The following IFNAR1 variants were observed in gnomAD, a reference collection of about 807,000 sequenced individuals.
The protein encoded by IFNAR1 is interferon alpha/beta receptor 1.
In IFNAR1, 47 loss-of-function variants were observed where a neutral mutation model predicts 62.1. That is an observed-to-expected ratio of 0.76 (90% CI 0.60 to 0.97). The LOEUF is 0.97. Among genes scored for constraint, IFNAR1 ranks in the 50% least tolerant of loss-of-function variants. The pLI is 0.00. For missense variants in IFNAR1, 638 were observed against 654.5 expected, an observed-to-expected ratio of 0.97 and a Z score of 0.27; for synonymous variants, 219 against 226.9, an observed-to-expected ratio of 0.97 and a Z score of 0.31.
intron 2 of IFNAR1, among the ~76,000 whole-genome samples, chr21:33,336,112 C>T (rs2123670162): frequency 6.9e-6 from 1 of 144,466 alleles, no homozygotes; most frequent in Non-Finnish European, 1.5e-5. Context: ...TGTGATGTTC[C>T]CCTTCCTGTG....
At chr21:33,353,266 G>T (rs1462985504) in intron 9 of IFNAR1, among the ~76,000 whole-genome samples, 1 of 152,086 alleles carries the variant, frequency 6.6e-6, no homozygotes, top group Non-Finnish European at 1.5e-5. Context: ...TTTAATGTGG[G>T]AATTGGTTTA....
rs1343437261 is a variant in IFNAR1 at position 33,349,137 on chromosome 21, C to T, written c.835C>T (p.Gln279Ter). ...TGGAAACCATTTGTATAAATGGAAA[C>T]AAATACCTGACTGTGAAAATGTCAA... ...NPGNHLYKWK[Q>*]IPDCENVKTT... The change falls in exon 7 of 11, where the codon CAA becomes TAA. Residue 279 changes from glutamine (Q) to a stop codon, truncating the protein, a stop_gained. Coordinates refer to ENST00000270139, the MANE Select transcript of IFNAR1 (RefSeq NM_000629.3). LOFTEE classifies it high-confidence loss of function. 6.8e-6 allele frequency: 11 copies of T among 1,612,442 alleles called. No individual in the cohort carries two copies. Among genetic ancestry groups the T allele is most frequent in the East Asian group, 2.2e-5 (1 of 44,826 alleles).
At chr21:33,350,795 T>C (rs1040191566) in intron 8 of IFNAR1, among the ~76,000 whole-genome samples, 36 of 152,342 alleles carry the variant, frequency 2.4e-4, no homozygotes, top group African/African-American at 6.7e-4. Context: ...ATGTAGCCCA[T>C]TGAGAATTAT....
chr21:33,334,597 T>A, intron 1 of IFNAR1: 1 of 601,860 alleles, frequency 1.7e-6, no homozygotes, highest in Non-Finnish European at 3.2e-6. Flanking sequence ...AAAGGTGAAA[T>A]GAAAGGGCAC....
In IFNAR1 at chr21:33,343,662, G is replaced by A. The variant is rs1447342179; in HGVS notation, c.659G>A (p.Cys220Tyr). 1.9e-6 allele frequency: 3 copies of A among 1,592,082 alleles called. No individual in the cohort carries two copies. Among genetic ancestry groups the A allele is most frequent in the Non-Finnish European group, 8.5e-7 (1 of 1,171,056 alleles). ...ATTGGTGTCTATAGTCCAGTACATT[G>A]TATAAAGACCACAGGTAAGGAAGAT... ...WKIGVYSPVH[C>Y]IKTTVENELP... is the part of the protein sequence containing the mutation. The change falls in exon 5 of 11, where the codon TGT becomes TAT. Residue 220 changes from cysteine to tyrosine, a missense_variant. By Grantham distance (194) the Cys-to-Tyr change is radical. Transcript: ENST00000270139.
chr21:33,333,034 A>C (rs569522389), intron 1 of IFNAR1, among the ~76,000 whole-genome samples: 1 of 152,364 alleles, frequency 6.6e-6, no homozygotes, highest in Admixed American at 6.5e-5. Context: ...TAACCCAAAA[A>C]GGTTCTCTCC....
intron 6 of IFNAR1, 120 bp downstream of exon 6, chr21:33,345,480 T>C (rs1601861357): frequency 1.5e-6 from 1 of 668,234 alleles, no homozygotes; most frequent in South Asian, 1.8e-5. Context: ...GGGTACGATA[T>C]ATTGGAAACG....
chr21:33,330,257 G>A (rs918004449), intron 1 of IFNAR1, among the ~76,000 whole-genome samples: 1 of 152,088 alleles, frequency 6.6e-6, no homozygotes, highest in Non-Finnish European at 1.5e-5. Context: ...AGAGATGGGC[G>A]GTTGTTGTTG....
rs201164491 is a variant in IFNAR1, at chr21:33,349,091, C to T, written c.789C>T (p.His263=). 1.3e-4 allele frequency: 204 copies of T among 1,569,934 alleles called. No homozygotes were observed. Among genetic ancestry groups the T allele is most frequent in the Non-Finnish European group, 1.7e-4 (192 of 1,154,700 alleles). Residue 263 remains histidine (H), a splice_region_variant and synonymous_variant, in exon 7 of 11, where the codon CAC becomes CAT. Transcript: ENST00000270139. ...ANMTFQVQWL[H]AFLKRNPGNH... ...ATTTAAAAAATATTTGTCTTAAAAG[C>T]GCCTTTTTAAAAAGGAATCCTGGAA...
At chr21:33,352,696 C>A (rs17875845) in intron 8 of IFNAR1, 62 bp from the exon 9 acceptor site, 2 of 879,198 alleles carry the variant, frequency 2.3e-6, no homozygotes, top group Non-Finnish European at 3.6e-6. Context: ...ATTGAGAAAG[C>A]ACATATTCCC....
chr21:33,326,452 C>T (rs974527819), intron 1 of IFNAR1, among the ~76,000 whole-genome samples: 1 of 152,158 alleles, frequency 6.6e-6, no homozygotes, highest in Non-Finnish European at 1.5e-5. Context: ...CAATCCACTT[C>T]AGCCTCCCAA....
chr21:33,347,606 C>A (rs2083361884), intron 6 of IFNAR1, among the ~76,000 whole-genome samples: 1 of 152,070 alleles, frequency 6.6e-6, no homozygotes, highest in African/African-American at 2.4e-5. Context: ...TAGGTCAGGC[C>A]CACCCAGAAT....
intron 2 of IFNAR1, among the ~76,000 whole-genome samples, chr21:33,337,097 T>C (rs762408475): frequency 1.5e-4 from 23 of 151,712 alleles, no homozygotes; most frequent in Non-Finnish European, 2.8e-4. Flanking sequence ...GTGGCATGTG[T>C]CTGTAATCCC....
chr21:33,352,273 G>A (rs979465919), intron 8 of IFNAR1, among the ~76,000 whole-genome samples: 2 of 152,062 alleles, frequency 1.3e-5, no homozygotes, highest in Non-Finnish European at 2.9e-5. Context: ...TTTGGCAGCA[G>A]CATTTTTAAC....
chr21:33,348,942 T>C (rs2083374155), intron 6 of IFNAR1, 149 bp from the exon 7 acceptor site: 1 of 556,752 alleles, frequency 1.8e-6, no homozygotes, highest in South Asian at 2.9e-5. Flanking sequence ...GGTTTTCTTT[T>C]ATGTTAGATG....
intron 2 of IFNAR1, among the ~76,000 whole-genome samples, chr21:33,337,668 C>T (rs1336954842): frequency 2.0e-5 from 3 of 151,766 alleles, no homozygotes; most frequent in Admixed American, 6.6e-5. Context: ...ATATACATTA[C>T]ACTATATATA....
chr21:33,328,938 AAT>A (rs1188790024), intron 1 of IFNAR1, among the ~76,000 whole-genome samples: 1 of 152,074 alleles, frequency 6.6e-6, no homozygotes, highest in Non-Finnish European at 1.5e-5. Context: ...ATTGTATGTT[AAT>A]GTTACATAAC....
chr21:33,335,071 C>A, intron 1 of IFNAR1: 1 of 968,802 alleles, frequency 1.0e-6, no homozygotes, highest in South Asian at 1.3e-5. Context: ...AGGAAGCCAG[C>A]ACTTGATTGC....
At chr21:33,325,258 C>T (rs2083115674) in intron 1 of IFNAR1, 127 bp downstream of exon 1, 3 of 824,100 alleles carry the variant, frequency 3.6e-6, no homozygotes, top group African/African-American at 1.7e-5. Flanking sequence ...CACTTTGCCG[C>T]GCCAAAGATT....
Sources: allele counts gnomAD v4.1 joint callset (sites outside exome capture counted in the v4.1 genomes callset), GRCh38; gene constraint gnomAD v4.1.1; transcripts MANE v1.5; gene names NCBI Gene and HGNC (gene_info 2026-07-23, HGNC 2026-07-21).